The following SCLT1 variants were observed in gnomAD, a reference collection of about 807,000 sequenced individuals.
The protein encoded by SCLT1 is sodium channel-associated protein 1.
In SCLT1, 78 loss-of-function variants were observed where a neutral mutation model predicts 112.8. That is an observed-to-expected ratio of 0.69 (90% CI 0.58 to 0.83). SCLT1 has a LOEUF of 0.83. Ranked by LOEUF, SCLT1 falls within the 40% of genes least tolerant of loss-of-function variation. The pLI is 0.00. For synonymous variants in SCLT1, 257 were observed against 254.7 expected (o/e 1.01, Z -0.09); for missense variants, 747 against 770.4 (o/e 0.97, Z 0.36).
intron 18 of SCLT1, among the ~76,000 whole-genome samples, chr4:128,897,923 A>C (rs1200131515): frequency 6.6e-6 from 1 of 152,220 alleles, no homozygotes; most frequent in Non-Finnish European, 1.5e-5. Context: ...AAAGAGACAA[A>C]GAAGGCCATT....
chr4:128,994,971 T>C (rs145160711), intron 8 of SCLT1, among the ~76,000 whole-genome samples: 35 of 152,274 alleles, frequency 2.3e-4, no homozygotes, highest in African/African-American at 7.7e-4. Context: ...TCCCATTCCA[T>C]AGGTTGCCTT....
chr4:128,922,630 G>A (rs909289012), intron 18 of SCLT1, among the ~76,000 whole-genome samples: 1 of 152,074 alleles, frequency 6.6e-6, no homozygotes, highest in African/African-American at 2.4e-5. Flanking sequence ...GAAGGAAACA[G>A]CAGACACCTA....
chr4:128,900,940 C>G (rs1734234173), intron 18 of SCLT1, among the ~76,000 whole-genome samples: 1 of 151,924 alleles, frequency 6.6e-6, no homozygotes, highest in Non-Finnish European at 1.5e-5. Flanking sequence ...TCATCACTGG[C>G]CATCAGAGAA....
intron 18 of SCLT1, among the ~76,000 whole-genome samples, chr4:128,892,273 A>G (rs1332582303): frequency 6.6e-6 from 1 of 152,220 alleles, no homozygotes; most frequent in Non-Finnish European, 1.5e-5. Context: ...TATCAGATAA[A>G]TTTGTGAGTA....
chr4:128,981,323 G>T (rs563735845), intron 9 of SCLT1, among the ~76,000 whole-genome samples: 1 of 152,220 alleles, frequency 6.6e-6, no homozygotes, highest in East Asian at 1.9e-4. Flanking sequence ...GACTGTTATT[G>T]TAAAATGAAT....
chr4:129,044,411 T>C (rs1279952886), intron 2 of SCLT1, among the ~76,000 whole-genome samples: 1 of 151,840 alleles, frequency 6.6e-6, no homozygotes, highest in Non-Finnish European at 1.5e-5. Flanking sequence ...CTACCAATTA[T>C]TAGAACTAGT....
At chr4:129,087,262 T>C (rs776565563) in intron 1 of SCLT1, among the ~76,000 whole-genome samples, 1 of 152,178 alleles carries the variant, frequency 6.6e-6, no homozygotes, top group Non-Finnish European at 1.5e-5. Context: ...ACTGAATAGC[T>C]CTTTATTTAT....
At chr4:128,932,577 G>A (rs1398276178) in intron 18 of SCLT1, among the ~76,000 whole-genome samples, 1 of 151,934 alleles carries the variant, frequency 6.6e-6, no homozygotes, top group Non-Finnish European at 1.5e-5. Context: ...GCCCATTTTT[G>A]CCACTTCTAT....
At chr4:129,011,401 G>C (rs1204547369) in intron 5 of SCLT1, among the ~76,000 whole-genome samples, 3 of 152,060 alleles carry the variant, frequency 2.0e-5, no homozygotes, top group African/African-American at 7.2e-5. Flanking sequence ...ATCTTTGTTA[G>C]GTTTTGGTAT....
downstream of SCLT1, among the ~76,000 whole-genome samples, chr4:128,880,513 TA>T (rs1732615939): frequency 6.6e-6 from 1 of 152,188 alleles, no homozygotes. Context: ...CAGGTTATAA[TA>T]ATGTAATTAA....
At chr4:129,048,747 A>T (rs2125707304) in intron 2 of SCLT1, among the ~76,000 whole-genome samples, 1 of 152,238 alleles carries the variant, frequency 6.6e-6, no homozygotes, top group East Asian at 1.9e-4. Context: ...AAGGCCTAAT[A>T]TCCAGAATCT....
chr4:128,924,941 T>G (rs1193421824), intron 18 of SCLT1, among the ~76,000 whole-genome samples: 3 of 152,110 alleles, frequency 2.0e-5, no homozygotes, highest in Admixed American at 1.3e-4. Context: ...CTCTTTCAAC[T>G]TCCTTCCCTT....
chr4:128,938,455 TGTGTTA>T (rs1737396313), intron 17 of SCLT1, among the ~76,000 whole-genome samples: 1 of 152,180 alleles, frequency 6.6e-6, no homozygotes, highest in African/African-American at 2.4e-5. Flanking sequence ...CAATCTTGGA[TGTGTTA>T]GTTTTGTGTT....
At chr4:128,906,422 T>C (rs969657773) in intron 18 of SCLT1, among the ~76,000 whole-genome samples, 15 of 152,216 alleles carry the variant, frequency 9.9e-5, no homozygotes, top group African/African-American at 3.4e-4. Flanking sequence ...ATGGTCTTGA[T>C]CTCCTGACCT....
intron 18 of SCLT1, among the ~76,000 whole-genome samples, chr4:128,907,990 A>G (rs550585497): frequency 3.3e-5 from 5 of 152,350 alleles, no homozygotes; most frequent in East Asian, 1.9e-4. Context: ...ATTAATTACT[A>G]TAATTGCTTG....
At chr4:129,056,400 G>A (rs1021572736) in intron 2 of SCLT1, among the ~76,000 whole-genome samples, 2 of 152,050 alleles carry the variant, frequency 1.3e-5, no homozygotes, top group African/African-American at 4.8e-5. Flanking sequence ...TGCTGTTTTG[G>A]TTACTATAGC....
intron 18 of SCLT1, among the ~76,000 whole-genome samples, chr4:128,892,042 G>A (rs1337711148): frequency 6.6e-6 from 1 of 152,156 alleles, no homozygotes; most frequent in Non-Finnish European, 1.5e-5. Context: ...TCACTTCAGT[G>A]CAGTATAGTT....
chr4:129,041,185 A>G (rs1436087971), intron 4 of SCLT1, among the ~76,000 whole-genome samples: 1 of 152,230 alleles, frequency 6.6e-6, no homozygotes, highest in South Asian at 2.1e-4. Flanking sequence ...CATTTGTGCA[A>G]AAGAGAGCTT....
At chr4:128,973,861 C>T (rs1033295601) in intron 9 of SCLT1, among the ~76,000 whole-genome samples, 3 of 151,996 alleles carry the variant, frequency 2.0e-5, no homozygotes, top group Non-Finnish European at 2.9e-5. Context: ...TTTATTCCCA[C>T]ACTGTTCCAT....
Sources: gnomAD v4.1 joint callset for allele counts (sites outside exome capture counted in the v4.1 genomes callset) on GRCh38, gnomAD v4.1.1 for gene constraint, MANE v1.5 for transcripts, NCBI Gene and HGNC (gene_info 2026-07-23, HGNC 2026-07-21) for gene names.